Variants in PARD3 observed in about 807,000 individuals in gnomAD.
The protein encoded by PARD3 is par-3 family cell polarity regulator.
PARD3 carries 75 observed loss-of-function variants against 155.4 expected under a neutral mutation model. The ratio of observed to expected loss-of-function variants is 0.48; its 90% CI spans 0.40 to 0.58. PARD3 has a LOEUF of 0.58. Ranked by LOEUF, PARD3 falls within the 20% of genes least tolerant of loss-of-function variation. PARD3 has a pLI of 0.00. For synonymous variants in PARD3, 576 were observed against 610.5 expected (o/e 0.94, Z 0.83); for missense variants, 1,642 against 1,721.7 (o/e 0.95, Z 0.82).
chr10:34,666,787 A>C (rs1480591117), intron 2 of PARD3, among the ~76,000 whole-genome samples: 17 of 99,842 alleles, frequency 1.7e-4, no homozygotes, highest in African/African-American at 8.2e-4. Flanking sequence ...TAAAAAAAAA[A>C]AAAAAAAAAA....
At chr10:34,442,249 A>T (rs1367653623) in intron 5 of PARD3, among the ~76,000 whole-genome samples, 13 of 152,202 alleles carry the variant, frequency 8.5e-5, no homozygotes, top group Non-Finnish European at 1.3e-4. Flanking sequence ...CCCACATCTT[A>T]ACTACTATCT....
At chr10:34,465,970 T>A (rs2077983425) in intron 4 of PARD3, among the ~76,000 whole-genome samples, 1 of 152,112 alleles carries the variant, frequency 6.6e-6, no homozygotes. Context: ...GCAAGATGAT[T>A]TAAGTATTCA....
chr10:34,262,429 G>A (rs531838078), intron 22 of PARD3, among the ~76,000 whole-genome samples: 14 of 152,130 alleles, frequency 9.2e-5, no homozygotes, highest in East Asian at 1.9e-4. Context: ...CACCATGCCC[G>A]GATAATTTTA....
chr10:34,543,391 GA>G (rs1428513067), intron 2 of PARD3, among the ~76,000 whole-genome samples: 1 of 152,034 alleles, frequency 6.6e-6, no homozygotes, highest in Non-Finnish European at 1.5e-5. Flanking sequence ...ACTGAAAACT[GA>G]AAAGAAGAAG....
rs568852804 is a variant in PARD3 at position 34,287,685 on chromosome 10, CAT to C, written c.3066-3442_3066-3441del. 2.8e-3 allele frequency among the ~76,000 whole-genome samples: 426 copies of C among 152,290 alleles called. 2 individuals carry two copies. The highest frequency in any genetic ancestry group is 0.014 in the Middle Eastern group (4 of 294). ...TGTTAAGAAGGTTTCAGTTTGCCCA[CAT>C]AGTCTCATATATATATGAACTCAGT... On this transcript the variant is annotated intron_variant, in intron 20 of 24. Transcript: ENST00000374788.
intron 20 of PARD3, among the ~76,000 whole-genome samples, chr10:34,312,567 T>C (rs923626436): frequency 2.0e-5 from 3 of 152,210 alleles, no homozygotes; most frequent in Non-Finnish European, 4.4e-5. Context: ...AAGAGAGCAA[T>C]AAATCTGATT....
intron 2 of PARD3, among the ~76,000 whole-genome samples, chr10:34,550,141 T>C (rs990027039): frequency 6.6e-5 from 10 of 152,128 alleles, no homozygotes; most frequent in African/African-American, 2.4e-4. Context: ...ATGTGCGAGG[T>C]AGGGCTGGAT....
At chr10:34,295,631 A>G (rs1277113716) in intron 20 of PARD3, among the ~76,000 whole-genome samples, 3 of 152,194 alleles carry the variant, frequency 2.0e-5, no homozygotes, top group South Asian at 4.1e-4. Flanking sequence ...CTTTTGCAGG[A>G]TATCATTATG....
chr10:34,574,880 T>C (rs953365916), intron 2 of PARD3, among the ~76,000 whole-genome samples: 4 of 152,362 alleles, frequency 2.6e-5, no homozygotes, highest in African/African-American at 9.6e-5. Context: ...AAATATCTGC[T>C]ATTCTGGCAC....
intron 5 of PARD3, among the ~76,000 whole-genome samples, chr10:34,446,743 C>G (rs888436957): frequency 6.6e-6 from 1 of 152,192 alleles, no homozygotes; most frequent in African/African-American, 2.4e-5. Context: ...TAATATATGA[C>G]AAAATTAGGA....
intron 22 of PARD3, among the ~76,000 whole-genome samples, chr10:34,198,854 T>A (rs60959490): frequency 0.041 from 6,275 of 152,158 alleles, 460 homozygotes; most frequent in African/African-American, 0.14. Flanking sequence ...CGATGGGTGA[T>A]CATTAATGCT....
chr10:34,477,905 A>G (rs1048036673), intron 3 of PARD3, among the ~76,000 whole-genome samples: 1 of 152,242 alleles, frequency 6.6e-6, no homozygotes, highest in Admixed American at 6.5e-5. Context: ...TACATTTCCT[A>G]AAGAGACATC....
intron 22 of PARD3, among the ~76,000 whole-genome samples, chr10:34,191,768 T>G (rs1172741945): frequency 1.3e-5 from 2 of 152,128 alleles, no homozygotes; most frequent in Non-Finnish European, 2.9e-5. Flanking sequence ...AACTCCCCAG[T>G]GAAGAACAAC....
At chr10:34,760,643 T>C (rs963458473) in intron 1 of PARD3, among the ~76,000 whole-genome samples, 14 of 152,322 alleles carry the variant, frequency 9.2e-5, no homozygotes, top group Middle Eastern at 3.4e-3. Context: ...ATTCTACTTC[T>C]AATATAATAG....
chr10:34,173,099 T>C (rs1949876565), intron 22 of PARD3, among the ~76,000 whole-genome samples: 1 of 152,224 alleles, frequency 6.6e-6, no homozygotes, highest in Non-Finnish European at 1.5e-5. Flanking sequence ...TCTAGCCCTA[T>C]TGCAGGCATT....
At chr10:34,164,717 G>C (rs73266867) in intron 22 of PARD3, among the ~76,000 whole-genome samples, 10,868 of 152,214 alleles carry the variant, frequency 0.071, 1,002 homozygotes, top group East Asian at 0.3. Flanking sequence ...CAGAAACAAT[G>C]TAAAACTGAA....
At chr10:34,284,782 C>T (rs1956307899) in intron 20 of PARD3, among the ~76,000 whole-genome samples, 1 of 152,168 alleles carries the variant, frequency 6.6e-6, no homozygotes, top group Non-Finnish European at 1.5e-5. Flanking sequence ...TTACACTGCA[C>T]TTTAATTAAA....
At chr10:34,488,912 C>T (rs1158688531) in intron 3 of PARD3, 1 of 152,710 alleles carries the variant, frequency 6.5e-6, no homozygotes, top group South Asian at 2.1e-4. Context: ...CTTCAGCACA[C>T]ATGCACGGCC....
At chr10:34,758,823 G>A (rs956020462) in intron 1 of PARD3, among the ~76,000 whole-genome samples, 9 of 152,158 alleles carry the variant, frequency 5.9e-5, no homozygotes, top group East Asian at 1.9e-4. Context: ...AGTTGGTGAC[G>A]GATGACAAGG....
Sources: gnomAD v4.1 joint callset for allele counts (sites outside exome capture counted in the v4.1 genomes callset) on GRCh38, gnomAD v4.1.1 for gene constraint, MANE v1.5 for transcripts, NCBI Gene and HGNC (gene_info 2026-07-23, HGNC 2026-07-21) for gene names.